The following MME variants were observed in gnomAD, a reference collection of about 807,000 sequenced individuals.
MME encodes neprilysin.
MME carries 98 observed loss-of-function variants against 113.2 expected under a neutral mutation model. That is an observed-to-expected ratio of 0.87 (90% CI 0.74 to 1.02). The LOEUF is 1.02. MME is among the 50% of genes least tolerant of loss of function. The pLI is 0.00. For missense variants in MME, 836 were observed against 896.0 expected (o/e 0.93, Z 0.86); for synonymous variants, 292 against 300.6 (o/e 0.97, Z 0.30).
At chr3:155,117,424 T>A (rs1183183240) in intron 7 of MME, among the ~76,000 whole-genome samples, 1 of 152,160 alleles carries the variant, frequency 6.6e-6, no homozygotes. Flanking sequence ...CTAAAGAGTA[T>A]CTGTACTTTT....
intron 1 of MME, among the ~76,000 whole-genome samples, chr3:155,053,189 C>T (rs180856133): frequency 6.6e-6 from 1 of 152,336 alleles, no homozygotes; most frequent in African/African-American, 2.4e-5. Context: ...GTTCCAGTCT[C>T]TGCCCATTAC....
intron 8 of MME, among the ~76,000 whole-genome samples, chr3:155,133,056 A>ATATATAT (rs1466261014): frequency 5.9e-5 from 5 of 85,322 alleles, no homozygotes; most frequent in African/African-American, 2.3e-4. Flanking sequence ...AAAAAAAAAA[A>ATATATAT]AAAAAAATAT....
intron 3 of MME, among the ~76,000 whole-genome samples, chr3:155,086,170 G>GA (rs1232884479): frequency 6.6e-6 from 1 of 152,150 alleles, no homozygotes; most frequent in African/African-American, 2.4e-5. Flanking sequence ...TGTGGTGAGA[G>GA]AAGAGTACTA....
intron 22 of MME, among the ~76,000 whole-genome samples, chr3:155,176,310 C>T (rs990541191): frequency 1.3e-5 from 2 of 152,012 alleles, no homozygotes; most frequent in African/African-American, 2.4e-5. Flanking sequence ...ATCAGCAGTA[C>T]AATAAGTTAT....
upstream of MME, among the ~76,000 whole-genome samples, chr3:155,075,138 C>G (rs1714704183): frequency 6.6e-6 from 1 of 151,484 alleles, no homozygotes; most frequent in Non-Finnish European, 1.5e-5. Flanking sequence ...ATTTATGATA[C>G]TAGATGTAAT....
At chr3:155,178,303 G>C (rs3773871) in intron 22 of MME, among the ~76,000 whole-genome samples, 42,561 of 152,078 alleles carry the variant, frequency 0.28, 6,366 homozygotes, top group African/African-American at 0.35. Context: ...GTGGTGGAGA[G>C]GGATAGAGAA....
chr3:155,057,049 G>A (rs1245620525), intron 1 of MME, among the ~76,000 whole-genome samples: 2 of 152,132 alleles, frequency 1.3e-5, no homozygotes, highest in Admixed American at 6.5e-5. Context: ...AGGACTTCAT[G>A]TCTAACACAC....
chr3:155,146,244 G>A (rs918959880), intron 14 of MME, among the ~76,000 whole-genome samples: 1 of 152,102 alleles, frequency 6.6e-6, no homozygotes, highest in African/African-American at 2.4e-5. Flanking sequence ...GTGATAAATA[G>A]GCCAGGTGCA....
At chr3:155,057,304 C>A (rs1229049591) in intron 1 of MME, among the ~76,000 whole-genome samples, 1 of 152,090 alleles carries the variant, frequency 6.6e-6, no homozygotes, top group African/African-American at 2.4e-5. Context: ...ACAGACACTT[C>A]TCAAAAGAAG....
At chr3:155,068,453 A>G (rs563993709) in intron 1 of MME, among the ~76,000 whole-genome samples, 1 of 152,322 alleles carries the variant, frequency 6.6e-6, no homozygotes, top group East Asian at 1.9e-4. Flanking sequence ...TGTTATGTCA[A>G]TTACGCATTA....
intron 15 of MME, among the ~76,000 whole-genome samples, chr3:155,148,133 C>T (rs1046418475): frequency 9.2e-5 from 14 of 151,890 alleles, no homozygotes; most frequent in Non-Finnish European, 2.9e-5. Context: ...CTTAGTTCAT[C>T]GGTATTAAAT....
At chr3:155,112,105 T>C (rs746661783) in intron 3 of MME, among the ~76,000 whole-genome samples, 4 of 152,208 alleles carry the variant, frequency 2.6e-5, no homozygotes, top group Non-Finnish European at 4.4e-5. Flanking sequence ...GAGTTTTTAC[T>C]GGCAAGTCTT....
intron 8 of MME, among the ~76,000 whole-genome samples, chr3:155,128,751 A>G (rs893044680): frequency 3.3e-5 from 5 of 152,034 alleles, no homozygotes; most frequent in Non-Finnish European, 5.9e-5. Context: ...CTCTTTTTCT[A>G]ATACCTACCA....
intron 1 of MME, among the ~76,000 whole-genome samples, chr3:155,029,337 T>C (rs1174504975): frequency 6.6e-6 from 1 of 152,126 alleles, no homozygotes; most frequent in Admixed American, 6.5e-5. Context: ...AAAAATTTTT[T>C]TCTATTTATT....
chr3:155,077,529 T>C (rs1714789545), upstream of MME, among the ~76,000 whole-genome samples: 1 of 152,136 alleles, frequency 6.6e-6, no homozygotes, highest in Admixed American at 6.5e-5. Context: ...GCATTCTTGA[T>C]TTAAAAACAA....
Position 155,160,404 on chromosome 3 carries a change from C to G in MME, c.1616C>G (p.Ala539Gly). ...KVDKDEWISG[A>G]AVVNAFYSSG... is the part of the protein sequence containing the mutation. ...GTTTTCTACAGGTGGATAAGTGGAG[C>G]AGCTGTAGTCAATGCATTTTACTCT... The change falls in exon 17 of 23, where the codon GCA (alanine) becomes GGA (glycine). Residue 539 changes from alanine to glycine, a missense_variant. Ala to Gly is a moderately conservative substitution (Grantham distance 60, BLOSUM62 0). Transcript: ENST00000360490. The G allele has an allele frequency of 6.2e-7, 1 of 1,607,234 alleles. No individual in the cohort carries two copies. Among genetic ancestry groups the G allele is most frequent in the Non-Finnish European group, 8.5e-7 (1 of 1,174,146 alleles).
At chr3:155,174,382 AGGGTAAATGGAAT>A (rs1337159562) in intron 22 of MME, among the ~76,000 whole-genome samples, 3 of 98,656 alleles carry the variant, frequency 3.0e-5, no homozygotes, top group Non-Finnish European at 6.3e-5. Flanking sequence ...GTGTGTGTGA[AGGGTAAATGGAAT>A]GGGTAAATGG....
intron 8 of MME, among the ~76,000 whole-genome samples, chr3:155,133,663 C>CATAT (rs61223926): frequency 5.8e-4 from 80 of 136,834 alleles, no homozygotes; most frequent in African/African-American, 1.9e-3. Context: ...ATACACACAC[C>CATAT]ATATATATAT....
rs145715236 is a variant in MME at position 155,172,189 on chromosome 3, C to T, written c.2053C>T (p.Leu685=). The T allele has an allele frequency of 1.6e-4, 256 of 1,610,104 alleles. No homozygotes were observed. Among genetic ancestry groups the T allele is most frequent in the Non-Finnish European group, 3.4e-5 (40 of 1,176,840 alleles). ...TGGACTTGACCTAAATCACAAACAA[C>T]TATTTTTCTTGAACTTTGCACAGGT... is the stretch of plus-strand genomic sequence containing the variant. ...LPGLDLNHKQ[L]FFLNFAQVWC... The change falls in exon 21 of 23, where the codon CTA becomes TTA. Residue 685 remains leucine, a synonymous_variant. Transcript: ENST00000360490.
Sources: gnomAD v4.1 joint callset for allele counts (sites outside exome capture counted in the v4.1 genomes callset) on GRCh38, gnomAD v4.1.1 for gene constraint, MANE v1.5 for transcripts, NCBI Gene and HGNC (gene_info 2026-07-23, HGNC 2026-07-21) for gene names.